MEIS1: variants seen among roughly 807,000 people sequenced by gnomAD.
MEIS1 encodes Meis homeobox 1.
MEIS1 carries 5 observed loss-of-function variants against 50.8 expected under a neutral mutation model. That is an observed-to-expected ratio of 0.10 (90% confidence interval 0.05 to 0.21). MEIS1 has a LOEUF of 0.21. Ranked by LOEUF, MEIS1 falls within the 10% of genes least tolerant of loss-of-function variation. The probability of loss-of-function intolerance (pLI) is 1.00; values close to 1 mark genes in which losing one functional copy is unlikely to be tolerated. For synonymous variants in MEIS1, 176 were observed against 179.3 expected, an observed-to-expected ratio of 0.98 and a Z score of 0.15; for missense variants, 318 against 517.3, an observed-to-expected ratio of 0.61 and a Z score of 3.74.
intron 6 of MEIS1, among the ~76,000 whole-genome samples, chr2:66,454,355 A>G (rs552019212): frequency 1.3e-5 from 2 of 152,130 alleles, no homozygotes; most frequent in African/African-American, 4.8e-5. Context: ...TGAGGGGTCA[A>G]TTTTATTCTG....
intron 4 of MEIS1, among the ~76,000 whole-genome samples, chr2:66,441,178 G>A (rs1043505717): frequency 9.9e-5 from 15 of 151,992 alleles, no homozygotes; most frequent in African/African-American, 1.7e-4. Flanking sequence ...GGGGAGGAGA[G>A]TGTTTATGAT....
At chr2:66,545,879 G>C (rs939425229) in intron 8 of MEIS1, among the ~76,000 whole-genome samples, 3 of 152,198 alleles carry the variant, frequency 2.0e-5, no homozygotes, top group Non-Finnish European at 4.4e-5. Context: ...AGCAAAGAAA[G>C]TAGTGTCATG....
At chr2:66,439,622 C>G in intron 2 of MEIS1, 2 of 1,537,378 alleles carry the variant, frequency 1.3e-6, no homozygotes, top group Non-Finnish European at 1.7e-6. Context: ...TCCTCAGATA[C>G]CGTCCATGGC....
At chr2:66,501,702 A>G (rs1673562066) in intron 7 of MEIS1, among the ~76,000 whole-genome samples, 1 of 152,124 alleles carries the variant, frequency 6.6e-6, no homozygotes, top group South Asian at 2.1e-4. Context: ...TGTATGTTGT[A>G]TGTGTCCATG....
chr2:66,528,036 A>G (rs997588323), intron 8 of MEIS1, among the ~76,000 whole-genome samples: 6 of 152,184 alleles, frequency 3.9e-5, no homozygotes, highest in Non-Finnish European at 7.4e-5. Context: ...GAAGACAGCT[A>G]TAACAGTTTG....
chr2:66,542,228 CAGT>C (rs1674672171), intron 8 of MEIS1, among the ~76,000 whole-genome samples: 1 of 151,934 alleles, frequency 6.6e-6, no homozygotes, highest in Admixed American at 6.6e-5. Flanking sequence ...GACAAAAACT[CAGT>C]AGAAGTTTTA....
chr2:66,441,232 T>C (rs894067568), intron 4 of MEIS1, among the ~76,000 whole-genome samples, 182 bp from the exon 5 acceptor site: 1 of 152,016 alleles, frequency 6.6e-6, no homozygotes, highest in African/African-American at 2.4e-5. Context: ...GTTTTTTTTT[T>C]CTTAAGAAAT....
chr2:66,475,206 A>G (rs1672861743), intron 7 of MEIS1, among the ~76,000 whole-genome samples: 1 of 115,702 alleles, frequency 8.6e-6, no homozygotes, highest in Non-Finnish European at 1.6e-5. Flanking sequence ...GCACACCTAT[A>G]TAAATAAATA....
At chr2:66,475,793 C>T (rs895143434) in intron 7 of MEIS1, among the ~76,000 whole-genome samples, 6 of 152,206 alleles carry the variant, frequency 3.9e-5, no homozygotes. Context: ...AACAATGCTG[C>T]AGTTATAATA....
chr2:66,562,209 G>T (rs11126082), intron 9 of MEIS1: 5 of 151,226 alleles, frequency 3.3e-5, no homozygotes, highest in African/African-American at 1.2e-4. Context: ...CACCTCTCCT[G>T]GTTCTCACAG....
At chr2:66,500,528 G>T (rs956073243) in intron 7 of MEIS1, among the ~76,000 whole-genome samples, 2 of 152,098 alleles carry the variant, frequency 1.3e-5, no homozygotes, top group African/African-American at 4.8e-5. Context: ...AGGTTCAAGG[G>T]ATTCTCCTGC....
At chr2:66,449,460 T>C (rs1672230761) in intron 6 of MEIS1, among the ~76,000 whole-genome samples, 3 of 152,094 alleles carry the variant, frequency 2.0e-5, no homozygotes, top group Non-Finnish European at 2.9e-5. Flanking sequence ...GTGTAAAAGA[T>C]AAAAGAACAT....
intron 9 of MEIS1, among the ~76,000 whole-genome samples, chr2:66,548,978 C>T (rs1488930315): frequency 6.6e-6 from 1 of 152,162 alleles, no homozygotes; most frequent in Non-Finnish European, 1.5e-5. Flanking sequence ...TACAGAATCT[C>T]TGATTACATG....
rs190145223 is a variant in MEIS1 at position 66,508,153 on chromosome 2, T to G, written c.743-3996T>G. ...AAAAGTGTGGCCAAGATTCTCCCCC[T>G]GCTCGTTAGAAACCTGGTGTTTTTT... On this transcript the variant is annotated intron_variant, in intron 7 of 12. Coordinates refer to ENST00000272369, the MANE Select transcript of MEIS1 (RefSeq NM_002398.3). Among the ~76,000 whole-genome samples the G allele has an allele frequency of 1.2e-4, 18 of 152,334 alleles. No homozygotes were observed. In the East Asian group the frequency reaches 3.3e-3, roughly 28 times the overall value.
chr2:66,496,204 A>T (rs1052845033), intron 7 of MEIS1: 1 of 152,210 alleles, frequency 6.6e-6, no homozygotes, highest in Non-Finnish European at 1.5e-5. Context: ...ATTTCAGGTT[A>T]GCACACTGTG....
intron 9 of MEIS1, among the ~76,000 whole-genome samples, chr2:66,555,117 A>G (rs1675022241): frequency 1.3e-5 from 2 of 152,236 alleles, no homozygotes; most frequent in African/African-American, 2.4e-5. Context: ...GGATGCATTA[A>G]TAATCTATAA....
chr2:66,533,992 G>T (rs910485786), intron 8 of MEIS1, among the ~76,000 whole-genome samples: 3 of 152,134 alleles, frequency 2.0e-5, no homozygotes, highest in Non-Finnish European at 4.4e-5. Flanking sequence ...ACATAGATTA[G>T]CCCAATCTTA....
intron 8 of MEIS1, among the ~76,000 whole-genome samples, chr2:66,546,271 G>A (rs757894685): frequency 1.4e-4 from 21 of 152,120 alleles, no homozygotes; most frequent in African/African-American, 3.1e-4. Context: ...TCTGAGTGAC[G>A]GGAAAAGCTG....
intron 2 of MEIS1, among the ~76,000 whole-genome samples, chr2:66,438,585 G>A (rs1671861169): frequency 6.6e-6 from 1 of 152,178 alleles, no homozygotes; most frequent in African/African-American, 2.4e-5. Flanking sequence ...GTGCTCAAAG[G>A]CGAAACCTGC....
Sources: gnomAD v4.1 joint callset for allele counts (sites outside exome capture counted in the v4.1 genomes callset) on GRCh38, gnomAD v4.1.1 for gene constraint, MANE v1.5 for transcripts, NCBI Gene and HGNC (gene_info 2026-07-23, HGNC 2026-07-21) for gene names.